The following MARCHF6 variants were observed in gnomAD, a reference collection of about 807,000 sequenced individuals.
MARCHF6 encodes the protein E3 ubiquitin-protein ligase MARCHF6.
Under a neutral mutation model 133.7 loss-of-function variants are expected in MARCHF6, and 31 were observed. The observed-to-expected ratio is 0.23, with a 90% CI of 0.17 to 0.31. The LOEUF is 0.31. Among genes scored for constraint, MARCHF6 ranks in the 10% least tolerant of loss-of-function variants. MARCHF6 has a pLI of 1.00. For synonymous variants in MARCHF6, 395 were observed against 402.5 expected, an observed-to-expected ratio of 0.98 and a Z score of 0.22; for missense variants, 723 against 1,121.6, an observed-to-expected ratio of 0.64 and a Z score of 5.08.
intron 17 of MARCHF6, among the ~76,000 whole-genome samples, chr5:10,409,072 T>G (rs1739079027): frequency 6.6e-6 from 1 of 152,146 alleles, no homozygotes; most frequent in African/African-American, 2.4e-5. Flanking sequence ...CCTTCCACTT[T>G]GGTCGCCCAA....
chr5:10,390,316 C>CTT lies in MARCHF6; in HGVS notation c.408-7_408-6dup. On this transcript the variant is annotated splice_polypyrimidine_tract_variant and intron_variant, in intron 5 of 25. Coordinates refer to ENST00000274140, the MANE Select transcript of MARCHF6 (RefSeq NM_005885.4). Reference sequence around the variant, plus strand: ...GTCTTCTTTGGAGTAATTATATGTACTTTTTTTTTTAATAGGGAAAATTTG... The same window carrying CTT: ...GTCTTCTTTGGAGTAATTATATGTACTTTTTTTTTTTTAATAGGGAAAATTTG... 4 of 1,432,814 alleles carry CTT rather than the reference C, an allele frequency of 2.8e-6. No homozygotes were observed. Among genetic ancestry groups the CTT allele is most frequent in the South Asian group, 2.5e-5 (2 of 80,008 alleles). 88.8% of individuals were successfully genotyped at this position (1,432,814 alleles called of 1,614,324 possible).
intron 1 of MARCHF6, 148 bp downstream of exon 1, chr5:10,354,065 G>C: frequency 1.4e-6 from 1 of 714,374 alleles, no homozygotes; most frequent in Non-Finnish European, 2.0e-6. Flanking sequence ...TCTGGGCCGG[G>C]GAGCGGAAGG....
intron 23 of MARCHF6, 75 bp from the exon 24 acceptor site, chr5:10,426,315 G>C (rs1391501141): frequency 6.6e-7 from 1 of 1,524,852 alleles, no homozygotes; most frequent in African/African-American, 1.4e-5. Context: ...AGATTCAGTT[G>C]TGTGGAGATT....
chr5:10,401,778 TAC>T (rs1233959300), intron 11 of MARCHF6: 1 of 484,674 alleles, frequency 2.1e-6, no homozygotes, highest in African/African-American at 2.0e-5. Context: ...GCTGTTGTAT[TAC>T]AGTGCTCTTG....
intron 24 of MARCHF6, among the ~76,000 whole-genome samples, chr5:10,429,659 C>T (rs1265782313): frequency 6.6e-6 from 1 of 152,110 alleles, no homozygotes; most frequent in African/African-American, 2.4e-5. Context: ...CCTTGGCCTC[C>T]CAAAGTGCTG....
chr5:10,419,154 C>A (rs1438157546), intron 22 of MARCHF6, among the ~76,000 whole-genome samples: 1 of 152,096 alleles, frequency 6.6e-6, no homozygotes, highest in Non-Finnish European at 1.5e-5. Flanking sequence ...TGATTTATGA[C>A]TTTTTAACTT....
At chr5:10,387,125 C>A in intron 5 of MARCHF6, 59 bp downstream of exon 5, 1 of 1,228,630 alleles carries the variant, frequency 8.1e-7, no homozygotes, top group South Asian at 1.4e-5. Context: ...TGCTTTTTTC[C>A]TTGCATATTT....
intron 9 of MARCHF6, among the ~76,000 whole-genome samples, chr5:10,395,362 C>T (rs1336064995): frequency 6.6e-6 from 1 of 152,150 alleles, no homozygotes; most frequent in Non-Finnish European, 1.5e-5. Flanking sequence ...TTTAAAGTTT[C>T]ATCTTGCAGT....
At chr5:10,396,748 T>C (rs1450279121) in intron 9 of MARCHF6, among the ~76,000 whole-genome samples, 2 of 152,078 alleles carry the variant, frequency 1.3e-5, no homozygotes, top group Non-Finnish European at 2.9e-5. Flanking sequence ...GGTGACCAGA[T>C]GGTCAGGTGA....
chr5:10,396,618 T>C (rs1249833021), intron 9 of MARCHF6, among the ~76,000 whole-genome samples: 1 of 152,192 alleles, frequency 6.6e-6, no homozygotes, highest in East Asian at 1.9e-4. Flanking sequence ...TGGGCATGAA[T>C]GAATGGACTT....
intron 7 of MARCHF6, 132 bp from the exon 8 acceptor site, chr5:10,393,950 A>G (rs547368951): frequency 7.2e-6 from 3 of 414,916 alleles, no homozygotes; most frequent in African/African-American, 4.1e-5. Context: ...AATACTCAGT[A>G]TGGAAATGTG....
intron 19 of MARCHF6, chr5:10,413,276 C>CA (rs1364970098): frequency 1.3e-5 from 2 of 152,114 alleles, no homozygotes; most frequent in African/African-American, 2.4e-5. Flanking sequence ...TCTCCGCAGA[C>CA]AAAAAAGGCC....
intron 8 of MARCHF6, 61 bp downstream of exon 8, chr5:10,394,204 G>T: frequency 8.9e-7 from 1 of 1,121,656 alleles, no homozygotes; most frequent in South Asian, 1.7e-5. Flanking sequence ...TTTAAACTTT[G>T]GTGTATTTAG....
At chr5:10,405,248 A>G (rs1433761365) in intron 15 of MARCHF6, among the ~76,000 whole-genome samples, 1 of 152,008 alleles carries the variant, frequency 6.6e-6, no homozygotes, top group Non-Finnish European at 1.5e-5. Context: ...CCCTTTTACG[A>G]TAGTAATGGT....
At chr5:10,366,529 A>G (rs1414233671) in intron 1 of MARCHF6, among the ~76,000 whole-genome samples, 2 of 152,222 alleles carry the variant, frequency 1.3e-5, no homozygotes, top group Admixed American at 1.3e-4. Context: ...TGCTGTTACT[A>G]CTTGAGACCG....
intron 20 of MARCHF6, 30 bp from the exon 21 acceptor site, chr5:10,415,456 CAT>C (rs1739453174): frequency 1.3e-6 from 2 of 1,588,936 alleles, no homozygotes; most frequent in East Asian, 2.2e-5. Flanking sequence ...TACCTAGCCA[CAT>C]GTCTCATTTA....
At chr5:10,355,548 AT>A (rs1735402336) in intron 1 of MARCHF6, among the ~76,000 whole-genome samples, 1 of 152,122 alleles carries the variant, frequency 6.6e-6, no homozygotes, top group Admixed American at 6.5e-5. Flanking sequence ...GCTTAAATAT[AT>A]TTTTTCTCTT....
At chr5:10,386,796 C>T in intron 4 of MARCHF6, 198 bp from the exon 5 acceptor site, 1 of 453,388 alleles carries the variant, frequency 2.2e-6, no homozygotes, top group Non-Finnish European at 4.1e-6. Context: ...GATTGTGTAA[C>T]ATTTACTCTT....
At chr5:10,375,027 C>T (rs896098460) in intron 1 of MARCHF6, among the ~76,000 whole-genome samples, 5 of 152,222 alleles carry the variant, frequency 3.3e-5, no homozygotes, top group South Asian at 2.1e-4. Flanking sequence ...TTGCTCTCGG[C>T]GCCTCCTCTG....
Sources: allele counts gnomAD v4.1 joint callset (sites outside exome capture counted in the v4.1 genomes callset), GRCh38; gene constraint gnomAD v4.1.1; transcripts MANE v1.5; gene names NCBI Gene and HGNC (gene_info 2026-07-23, HGNC 2026-07-21).